Variants in ATXN1 observed in about 807,000 individuals in gnomAD.
The protein encoded by ATXN1 is ataxin 1, also known as ataxin-1.
Under a neutral mutation model 56.4 loss-of-function variants are expected in ATXN1, and 8 were observed. That is an observed-to-expected ratio of 0.14 (90% CI 0.08 to 0.26). The LOEUF is 0.26. Among genes scored for constraint, ATXN1 ranks in the 10% least tolerant of loss-of-function variants. The pLI is 1.00. For synonymous variants in ATXN1, 514 were observed against 494.6 expected (o/e 1.04, Z -0.52); for missense variants, 987 against 1,106.5 (o/e 0.89, Z 1.53).
At chr6:16,389,656 G>T (rs1175267703) in intron 6 of ATXN1, among the ~76,000 whole-genome samples, 1 of 152,182 alleles carries the variant, frequency 6.6e-6, no homozygotes, top group Non-Finnish European at 1.5e-5. Flanking sequence ...CACACCTTCT[G>T]CTCATTTTCC....
At position 16,402,054 on chromosome 6, in the gene ATXN1, G is replaced by A. The variant is rs184120686; in HGVS notation, c.-160-73584C>T. ...CCTCTTTTTAAAACCATCAGATCTCGTGAGACTTATCCATTACCACGAGAA... is the reference window on the plus strand; with the variant it reads ...CCTCTTTTTAAAACCATCAGATCTCATGAGACTTATCCATTACCACGAGAA... On this transcript the variant is annotated intron_variant, in intron 6 of 7. Coordinates refer to ENST00000436367, the MANE Select transcript of ATXN1 (RefSeq NM_001128164.2). 2.9e-3 allele frequency among the ~76,000 whole-genome samples: 438 copies of A among 152,108 alleles called. 3 individuals carry two copies. The highest frequency in any genetic ancestry group is 9.7e-3 in the African/African-American group (402 of 41,476).
rs369138963 is a variant in ATXN1, at chr6:16,704,547, C to G, written c.-614-46646G>C. 3.2e-4 allele frequency among the ~76,000 whole-genome samples: 49 copies of G among 152,336 alleles called. No individual in the cohort carries two copies. The South Asian group carries it at 9.7e-3, about 30-fold the overall frequency. ...GAAAGTAAATGTCCTTTCAACACAT[C>G]TCTTCCCCAGCACTTGAAAATCTTA... On this transcript the variant is annotated intron_variant, in intron 2 of 7. Coordinates refer to ENST00000436367, the MANE Select transcript of ATXN1 (RefSeq NM_001128164.2).
At chr6:16,339,719 A>T (rs1761202750) in intron 6 of ATXN1, among the ~76,000 whole-genome samples, 1 of 152,224 alleles carries the variant, frequency 6.6e-6, no homozygotes, top group Non-Finnish European at 1.5e-5. Context: ...CACACAAAAA[A>T]TCCTAATATG....
intron 2 of ATXN1, among the ~76,000 whole-genome samples, chr6:16,685,087 A>G (rs1350528139): frequency 6.6e-6 from 1 of 152,146 alleles, no homozygotes; most frequent in Non-Finnish European, 1.5e-5. Context: ...TTCTGGCTCC[A>G]GAAATTACTT....
chr6:16,519,996 T>C (rs1761256561), intron 5 of ATXN1, among the ~76,000 whole-genome samples: 1 of 152,228 alleles, frequency 6.6e-6, no homozygotes, highest in Non-Finnish European at 1.5e-5. Flanking sequence ...CTGCCCAGGA[T>C]ACACTGGCTG....
chr6:16,406,407 A>C (rs1289964699), intron 6 of ATXN1, among the ~76,000 whole-genome samples: 2 of 152,218 alleles, frequency 1.3e-5, no homozygotes, highest in Admixed American at 6.5e-5. Flanking sequence ...AGTTAGTTCA[A>C]ACCTAACGGA....
chr6:16,587,014 C>CT (rs1298353393), intron 3 of ATXN1, among the ~76,000 whole-genome samples: 13 of 147,560 alleles, frequency 8.8e-5, no homozygotes, highest in African/African-American at 3.4e-4. Context: ...AAGACTCTGT[C>CT]TCAAAAAAAA....
intron 2 of ATXN1, among the ~76,000 whole-genome samples, chr6:16,715,101 C>T (rs1252232494): frequency 6.6e-6 from 1 of 152,190 alleles, no homozygotes; most frequent in Admixed American, 6.5e-5. Flanking sequence ...ACAGGAAGGT[C>T]GTACAACTCT....
intron 2 of ATXN1, among the ~76,000 whole-genome samples, chr6:16,741,967 G>A (rs1235946733): frequency 6.6e-6 from 1 of 152,152 alleles, no homozygotes; most frequent in Non-Finnish European, 1.5e-5. Context: ...AGGTTCAAGG[G>A]GTTACAGAGG....
At chr6:16,642,064 TGAG>T (rs2113821633) in intron 3 of ATXN1, among the ~76,000 whole-genome samples, 1 of 152,286 alleles carries the variant, frequency 6.6e-6, no homozygotes, top group East Asian at 1.9e-4. Context: ...CTTCAGCAGA[TGAG>T]GAGTTGCCTC....
chr6:16,758,872 AGAG>A (rs1760970947), intron 1 of ATXN1, among the ~76,000 whole-genome samples: 1 of 152,210 alleles, frequency 6.6e-6, no homozygotes, highest in African/African-American at 2.4e-5. Flanking sequence ...GAGGGCAATC[AGAG>A]GAGATTAAAT....
intron 2 of ATXN1, among the ~76,000 whole-genome samples, chr6:16,692,813 T>C (rs778011679): frequency 4.6e-5 from 7 of 152,212 alleles, no homozygotes; most frequent in Non-Finnish European, 8.8e-5. Flanking sequence ...GGCTAAGTAA[T>C]GGGCCCAAGA....
intron 3 of ATXN1, among the ~76,000 whole-genome samples, chr6:16,634,909 G>A (rs535145755): frequency 1.3e-5 from 2 of 152,152 alleles, no homozygotes; most frequent in African/African-American, 2.4e-5. Flanking sequence ...TATTACTATC[G>A]TTTTGTCACT....
intron 6 of ATXN1, among the ~76,000 whole-genome samples, chr6:16,388,165 G>C (rs976816548): frequency 6.6e-5 from 10 of 152,216 alleles, no homozygotes; most frequent in African/African-American, 2.4e-4. Flanking sequence ...ACCACTGACA[G>C]TCTCTTAACC....
At chr6:16,334,081 TG>T (rs1761056479) in intron 6 of ATXN1, among the ~76,000 whole-genome samples, 1 of 152,164 alleles carries the variant, frequency 6.6e-6, no homozygotes, top group East Asian at 1.9e-4. Context: ...GTGAAGCAAA[TG>T]GTATGCCAGA....
At chr6:16,729,365 AATAT>A (rs933201986) in intron 2 of ATXN1, among the ~76,000 whole-genome samples, 1 of 152,174 alleles carries the variant, frequency 6.6e-6, no homozygotes, top group African/African-American at 2.4e-5. Flanking sequence ...TATTGTGTTA[AATAT>A]ATAAGCGTTC....
chr6:16,544,882 T>G, intron 4 of ATXN1, among the ~76,000 whole-genome samples: 1 of 152,054 alleles, frequency 6.6e-6, no homozygotes. Flanking sequence ...GGAGGTGGTG[T>G]GGAAGGAGGC....
At chr6:16,487,241 A>C (rs1158734715) in intron 5 of ATXN1, among the ~76,000 whole-genome samples, 1 of 151,514 alleles carries the variant, frequency 6.6e-6, no homozygotes, top group African/African-American at 2.4e-5. Flanking sequence ...GACAAAGGCC[A>C]GTCATGTTTT....
intron 6 of ATXN1, among the ~76,000 whole-genome samples, chr6:16,424,720 T>C (rs979169687): frequency 6.6e-6 from 1 of 152,210 alleles, no homozygotes; most frequent in South Asian, 2.1e-4. Flanking sequence ...GATCTCTGAA[T>C]AGATGAGGAG....
Sources: allele counts gnomAD v4.1 joint callset (sites outside exome capture counted in the v4.1 genomes callset), GRCh38; gene constraint gnomAD v4.1.1; transcripts MANE v1.5; gene names NCBI Gene and HGNC (gene_info 2026-07-23, HGNC 2026-07-21).